Variants in PDE4D observed in about 807,000 individuals in gnomAD.
PDE4D encodes 3',5'-cyclic-AMP phosphodiesterase 4D.
PDE4D carries 24 observed loss-of-function variants against 87.4 expected under a neutral mutation model. The ratio of observed to expected loss-of-function variants is 0.27; its 90% CI spans 0.20 to 0.39. The LOEUF is 0.39. PDE4D is among the 10% of genes least tolerant of loss of function. The pLI is 1.00. For missense variants in PDE4D, 714 were observed against 1,041.0 expected (o/e 0.69, Z 4.32); for synonymous variants, 384 against 383.2 (o/e 1.00, Z -0.02).
At chr5:59,407,066 G>C (rs1054492070) in intron 1 of PDE4D, among the ~76,000 whole-genome samples, 24 of 152,160 alleles carry the variant, frequency 1.6e-4, no homozygotes, top group African/African-American at 5.3e-4. Context: ...TTATAGGGTG[G>C]TGTTCCTTGA....
chr5:59,788,579 C>T (rs1381345195), intron 1 of PDE4D, among the ~76,000 whole-genome samples: 1 of 152,226 alleles, frequency 6.6e-6, no homozygotes, highest in African/African-American at 2.4e-5. Flanking sequence ...AGCTGCTTGA[C>T]TCCCTGGGTA....
At chr5:59,137,191 C>G (rs949971449) in intron 5 of PDE4D, among the ~76,000 whole-genome samples, 4 of 152,180 alleles carry the variant, frequency 2.6e-5, no homozygotes, top group Admixed American at 2.6e-4. Context: ...ACTTCCCTTG[C>G]ACCTCTGTCC....
At chr5:60,219,567 G>A (rs1744258711) in intron 1 of PDE4D, among the ~76,000 whole-genome samples, 1 of 152,158 alleles carries the variant, frequency 6.6e-6, no homozygotes, top group African/African-American at 2.4e-5. Flanking sequence ...GAGCTATGAA[G>A]TCTACAGTAA....
At chr5:60,143,407 T>C (rs1418242741) in intron 2 of PDE4D, among the ~76,000 whole-genome samples, 1 of 152,158 alleles carries the variant, frequency 6.6e-6, no homozygotes, top group Non-Finnish European at 1.5e-5. Context: ...TGTTAATAAT[T>C]TGAGACTTAC....
At chr5:59,081,873 G>T (rs753551218) in intron 5 of PDE4D, among the ~76,000 whole-genome samples, 2 of 152,078 alleles carry the variant, frequency 1.3e-5, no homozygotes, top group Non-Finnish European at 2.9e-5. Flanking sequence ...CCCATGTGTT[G>T]CGGGAGGGAC....
At chr5:60,517,783 C>A (rs1256829612) in intron 1 of PDE4D, among the ~76,000 whole-genome samples, 2 of 152,216 alleles carry the variant, frequency 1.3e-5, no homozygotes, top group Non-Finnish European at 2.9e-5. Context: ...TCCAGTTGTC[C>A]CTGTACCTCA....
At chr5:60,378,819 C>T (rs1761632348) in intron 1 of PDE4D, among the ~76,000 whole-genome samples, 1 of 151,942 alleles carries the variant, frequency 6.6e-6, no homozygotes, top group African/African-American at 2.4e-5. Context: ...CACCACTGCA[C>T]TCCAGCCTGG....
chr5:59,879,808 T>A (rs1749170646), intron 1 of PDE4D, among the ~76,000 whole-genome samples: 1 of 152,164 alleles, frequency 6.6e-6, no homozygotes, highest in African/African-American at 2.4e-5. Context: ...TGGCGCAATC[T>A]CTGCCCACTG....
chr5:59,951,812 A>G (rs181182545), intron 3 of PDE4D, among the ~76,000 whole-genome samples: 1 of 152,288 alleles, frequency 6.6e-6, no homozygotes, highest in Admixed American at 6.5e-5. Flanking sequence ...TGTTTCCTCT[A>G]AAGATTATAA....
chr5:59,190,747 C>T (rs1483472550), intron 3 of PDE4D, among the ~76,000 whole-genome samples: 1 of 152,094 alleles, frequency 6.6e-6, no homozygotes. Context: ...AAGAGAAGGC[C>T]ACTCAAACAT....
Position 60,337,461 on chromosome 5 carries a change from TG to T in PDE4D, c.-90+150480del, listed in dbSNP as rs1348281509. ...AGGAGCTGAAGATGTGGGGAGACAC[TG>T]GCTATAAGAAGGAGGGAGAGCTTTT... On this transcript the variant is annotated intron_variant, in intron 1 of 16. Coordinates refer to the PDE4D transcript ENST00000502484. Among the ~76,000 whole-genome samples, 4 of 147,616 alleles carry T rather than the reference TG, an allele frequency of 2.7e-5. No homozygotes were observed. The East Asian group carries it at 8.0e-4, about 30-fold the overall frequency.
At chr5:59,185,360 C>A in intron 3 of PDE4D, 98 bp from the exon 4 acceptor site, 1 of 812,868 alleles carries the variant, frequency 1.2e-6, no homozygotes, top group Non-Finnish European at 2.0e-6. Context: ...TTGCTTGCAA[C>A]TTAGTTTCAT....
intron 1 of PDE4D, among the ~76,000 whole-genome samples, chr5:60,302,893 C>T (rs1378228096): frequency 6.6e-6 from 1 of 152,130 alleles, no homozygotes; most frequent in African/African-American, 2.4e-5. Flanking sequence ...TGCAGTGGCA[C>T]AATCTCGCTC....
chr5:59,861,159 C>G (rs144243644), intron 1 of PDE4D, among the ~76,000 whole-genome samples: 29 of 152,286 alleles, frequency 1.9e-4, no homozygotes, highest in African/African-American at 7.0e-4. Flanking sequence ...GCATGAGCCA[C>G]TGCGCCCGGC....
At chr5:60,469,457 T>C (rs766270218) in intron 1 of PDE4D, among the ~76,000 whole-genome samples, 7 of 152,176 alleles carry the variant, frequency 4.6e-5, no homozygotes, top group Non-Finnish European at 7.3e-5. Flanking sequence ...ATCATCTCCA[T>C]GTAGAGGGCT....
intron 1 of PDE4D, among the ~76,000 whole-genome samples, chr5:59,695,261 A>T (rs1176423761): frequency 6.6e-6 from 1 of 151,218 alleles, no homozygotes; most frequent in East Asian, 1.9e-4. Flanking sequence ...GCCAACTGCT[A>T]CCCTACTGAC....
At chr5:60,028,093 A>T (rs1325584672) in intron 2 of PDE4D, among the ~76,000 whole-genome samples, 1 of 152,078 alleles carries the variant, frequency 6.6e-6, no homozygotes, top group Admixed American at 6.5e-5. Context: ...TTTAGCTTAC[A>T]CCCCAGACAA....
chr5:59,212,908 T>G (rs1485030817), intron 2 of PDE4D, among the ~76,000 whole-genome samples: 1 of 151,926 alleles, frequency 6.6e-6, no homozygotes, highest in Non-Finnish European at 1.5e-5. Context: ...TTGATCTGCA[T>G]AGTGGCTTTT....
At chr5:59,416,998 T>G (rs1301239310) in intron 1 of PDE4D, among the ~76,000 whole-genome samples, 1 of 152,184 alleles carries the variant, frequency 6.6e-6, no homozygotes, top group Non-Finnish European at 1.5e-5. Flanking sequence ...ATATGAAGTA[T>G]TTCACCCAAG....
Sources: allele counts gnomAD v4.1 joint callset (sites outside exome capture counted in the v4.1 genomes callset), GRCh38; gene constraint gnomAD v4.1.1; transcripts MANE v1.5; gene names NCBI Gene and HGNC (gene_info 2026-07-23, HGNC 2026-07-21).